Variants in MYO7A observed in about 807,000 individuals in gnomAD.
The protein encoded by MYO7A is myosin VIIA, also known as unconventional myosin-VIIa.
A neutral mutation model predicts 263.8 loss-of-function variants in MYO7A; 210 were observed. That is an observed-to-expected ratio of 0.80 (90% confidence interval 0.71 to 0.89). The LOEUF (loss-of-function observed/expected upper bound fraction) is 0.89, where lower values mean the gene tolerates loss of function less well. Among genes scored for constraint, MYO7A ranks in the 40% least tolerant of loss-of-function variants. The pLI is 0.00. For synonymous variants in MYO7A, 1,239 were observed against 1,197.3 expected (o/e 1.03, Z -0.72); for missense variants, 2,820 against 2,968.3 (o/e 0.95, Z 1.16).
At chr11:77,174,366 G>C (rs1420811256) in intron 16 of MYO7A, among the ~76,000 whole-genome samples, 1 of 152,128 alleles carries the variant, frequency 6.6e-6, no homozygotes, top group Non-Finnish European at 1.5e-5. Flanking sequence ...AGCCTCTCTA[G>C]CTCCCTCAAG....
chr11:77,167,633 T>C (rs1255858917), intron 15 of MYO7A, among the ~76,000 whole-genome samples: 1 of 152,146 alleles, frequency 6.6e-6, no homozygotes, highest in Non-Finnish European at 1.5e-5. Flanking sequence ...AACAGCATGG[T>C]GCTGCCAACC....
chr11:77,201,540 G>A lies in MYO7A; in HGVS notation c.4945G>A (p.Ala1649Thr). 2 of 1,613,934 alleles carry A rather than the reference G, an allele frequency of 1.2e-6. No individual in the cohort carries two copies. Among genetic ancestry groups the A allele is most frequent in the Non-Finnish European group, 1.7e-6 (2 of 1,179,880 alleles). The change falls in exon 36 of 49, where the codon GCC (alanine) becomes ACC (threonine). Residue 1649 changes from alanine to threonine, a missense_variant. Ala to Thr is a moderately conservative substitution (Grantham distance 58). Coordinates refer to ENST00000409709, the MANE Select transcript of MYO7A (RefSeq NM_000260.4). ...TGEQVMNSGWANGINERTKQR... is the reference protein window; with the variant it reads ...TGEQVMNSGWTNGINERTKQR... ...CGAGCAGGTCATGAACTCGGGCTGG[G>A]CCAACGGCATCAATGAGAGGACCAA...
At chr11:77,194,210 C>A in intron 31 of MYO7A, 144 bp from the exon 32 acceptor site, 1 of 961,900 alleles carries the variant, frequency 1.0e-6, no homozygotes, top group Non-Finnish European at 1.6e-6. Context: ...CCTGGTGAAT[C>A]AGTGAGAAGC....
At chr11:77,212,123 A>T in intron 46 of MYO7A, 186 bp downstream of exon 46, 1 of 690,114 alleles carries the variant, frequency 1.4e-6, no homozygotes, top group Non-Finnish European at 2.6e-6. Context: ...CTGGGGACAG[A>T]GGGACCAGAA....
chr11:77,198,356 T>A, intron 33 of MYO7A, 139 bp from the exon 34 acceptor site: 1 of 1,190,456 alleles, frequency 8.4e-7, no homozygotes, highest in South Asian at 1.6e-5. Flanking sequence ...ACGTAGCGAG[T>A]TTGTGCTCTC....
At chr11:77,144,549 C>T (rs556558495) in intron 3 of MYO7A, among the ~76,000 whole-genome samples, 87 of 152,272 alleles carry the variant, frequency 5.7e-4, no homozygotes, top group Middle Eastern at 3.4e-3. Context: ...GCATCTGTGG[C>T]ATTGGACCCC....
rs372346296 is a variant in MYO7A, at chr11:77,188,497, C to A, written c.3504-847C>A. Among the ~76,000 whole-genome samples the A allele has an allele frequency of 1.6e-4, 25 of 152,334 alleles. No homozygotes were observed. In the East Asian group the frequency reaches 2.7e-3, roughly 16 times the overall value. ...CACTGAATTAGGTAATCCCAGCCAT[C>A]CTTTGGGAGAGAAGAGCAGCAGTGA... On this transcript the variant is annotated intron_variant, in intron 27 of 48. Coordinates refer to ENST00000409709, the MANE Select transcript of MYO7A (RefSeq NM_000260.4).
At chr11:77,182,625 G>A (rs1955339510) in intron 25 of MYO7A, 25 bp downstream of exon 25, 2 of 1,611,930 alleles carry the variant, frequency 1.2e-6, no homozygotes, top group Middle Eastern at 1.7e-4. Context: ...CCCTCTGGAT[G>A]ATGTCCCTCC....
intron 41 of MYO7A, 149 bp downstream of exon 41, chr11:77,206,351 G>A (rs907681977): frequency 1.3e-5 from 8 of 636,484 alleles, no homozygotes; most frequent in Non-Finnish European, 2.2e-5. Context: ...GGCTCAGGAC[G>A]AAGGCCATCG....
chr11:77,133,276 C>T (rs534670588), intron 2 of MYO7A, among the ~76,000 whole-genome samples: 1 of 152,202 alleles, frequency 6.6e-6, no homozygotes, highest in Non-Finnish European at 1.5e-5. Context: ...CTGTGTGGCA[C>T]ACCTGACTCA....
Position 77,172,118 on chromosome 11 carries a change from C to T in MYO7A, c.1798-630C>T, listed in dbSNP as rs145711470. ...CGGCAGCTCCCGCCCCTCCTCCTCG[C>T]GCTTGCCCACAGGTTTCCAGAAGGC... On this transcript the variant is annotated intron_variant, in intron 15 of 48. Coordinates refer to ENST00000409709, the MANE Select transcript of MYO7A (RefSeq NM_000260.4). 2.0e-3 allele frequency among the ~76,000 whole-genome samples: 312 copies of T among 152,334 alleles called. 1 individual carries two copies. Among genetic ancestry groups the T allele is most frequent in the African/African-American group, 6.9e-3 (287 of 41,572 alleles).
At chr11:77,179,405 G>T (rs1954963659) in intron 20 of MYO7A, among the ~76,000 whole-genome samples, 1 of 152,232 alleles carries the variant, frequency 6.6e-6, no homozygotes, top group Non-Finnish European at 1.5e-5. Flanking sequence ...GACAGGGTGA[G>T]AGTGGCTGGG....
At chr11:77,189,264 C>G in intron 27 of MYO7A, 80 bp from the exon 28 acceptor site, 8 of 1,581,124 alleles carry the variant, frequency 5.1e-6, no homozygotes, top group Non-Finnish European at 6.9e-6. Context: ...TGTGGCGTCC[C>G]ACTGGCTGCT....
At chr11:77,155,614 C>T (rs1269604938) in intron 4 of MYO7A, among the ~76,000 whole-genome samples, 2 of 152,230 alleles carry the variant, frequency 1.3e-5, no homozygotes, top group African/African-American at 4.8e-5. Context: ...TTAATCTTCA[C>T]AAACAGTTAC....
chr11:77,201,174 G>T (rs1280752166), intron 35 of MYO7A, among the ~76,000 whole-genome samples: 1 of 152,246 alleles, frequency 6.6e-6, no homozygotes, highest in African/African-American at 2.4e-5. Context: ...CACAGTGAGG[G>T]AGGAGAGGCG....
intron 20 of MYO7A, 88 bp from the exon 21 acceptor site, chr11:77,179,647 T>A (rs1242557242): frequency 1.6e-6 from 2 of 1,232,550 alleles, no homozygotes; most frequent in South Asian, 1.5e-5. Flanking sequence ...TGTCTGAGAG[T>A]GGAGGCCGGT....
intron 2 of MYO7A, among the ~76,000 whole-genome samples, chr11:77,141,066 A>G (rs1951179536): frequency 6.6e-6 from 1 of 152,252 alleles, no homozygotes; most frequent in African/African-American, 2.4e-5. Flanking sequence ...TATTCAGTAC[A>G]GTAGCAGGTT....
chr11:77,172,624 A>G (rs1954202878), intron 15 of MYO7A, 124 bp from the exon 16 acceptor site: 4 of 1,270,464 alleles, frequency 3.1e-6, no homozygotes, highest in Non-Finnish European at 4.3e-6. Context: ...GAAAACTTCA[A>G]ATACCGCCCT....
chr11:77,135,925 T>C (rs1392958463), intron 2 of MYO7A, among the ~76,000 whole-genome samples: 1 of 152,232 alleles, frequency 6.6e-6, no homozygotes, highest in Non-Finnish European at 1.5e-5. Flanking sequence ...TATGTTTGTT[T>C]GTTTGTTTTG....
Sources: gnomAD v4.1 joint callset for allele counts (sites outside exome capture counted in the v4.1 genomes callset) on GRCh38, gnomAD v4.1.1 for gene constraint, MANE v1.5 for transcripts, NCBI Gene and HGNC (gene_info 2026-07-23, HGNC 2026-07-21) for gene names.